KBTBD12: variants seen among roughly 807,000 people sequenced by gnomAD.
The protein encoded by KBTBD12 is kelch repeat and BTB domain containing 12, also known as kelch repeat and BTB domain-containing protein 12.
Under a neutral mutation model 58.7 loss-of-function variants are expected in KBTBD12, and 53 were observed. The ratio of observed to expected loss-of-function variants is 0.90; its 90% confidence interval spans 0.72 to 1.14. KBTBD12 has a LOEUF of 1.14. Among genes scored for constraint, KBTBD12 ranks in the 50% most tolerant of loss-of-function variants. The pLI, the probability that KBTBD12 is intolerant of heterozygous loss-of-function variation, is 0.00. For missense variants in KBTBD12, 704 were observed against 751.3 expected (o/e 0.94, Z 0.74); for synonymous variants, 236 against 259.8 (o/e 0.91, Z 0.88).
chr3:127,969,258 A>AAT (rs1222942196), intron 5 of KBTBD12, among the ~76,000 whole-genome samples: 7 of 152,192 alleles, frequency 4.6e-5, no homozygotes, highest in African/African-American at 1.7e-4. Context: ...TACGCCAAAA[A>AAT]ATTGTATTTC....
At chr3:127,946,526 C>T (rs1194290691) in intron 4 of KBTBD12, among the ~76,000 whole-genome samples, 1 of 152,094 alleles carries the variant, frequency 6.6e-6, no homozygotes, top group East Asian at 1.9e-4. Context: ...GGTAATGTGC[C>T]CTTTTTTCTC....
intron 4 of KBTBD12, among the ~76,000 whole-genome samples, chr3:127,943,030 C>G (rs112815936): frequency 1.2e-4 from 19 of 152,248 alleles, no homozygotes; most frequent in African/African-American, 3.4e-4. Flanking sequence ...GAAAACAGCA[C>G]GAAGCCATTT....
Position 127,984,379 on chromosome 3 carries a change from C to T in KBTBD12, c.*101C>T, listed in dbSNP as rs1020778510. 1.0e-5 allele frequency: 11 copies of T among 1,083,296 alleles called. No homozygotes were observed. Among genetic ancestry groups the T allele is most frequent in the East Asian group, 5.0e-5 (2 of 40,322 alleles). 67.1% of individuals were successfully genotyped at this position (1,083,296 alleles called of 1,614,324 possible). On this transcript the variant is annotated 3_prime_UTR_variant, in exon 6 of 6. Coordinates refer to ENST00000405109, the MANE Select transcript of KBTBD12 (RefSeq NM_207335.4). ...TCATGCCAGTCATGTGCACTGCATG[C>T]GTAGTGGCCTGTGTGTGAAGAAGCA...
At chr3:127,924,158 A>T (rs773424054) in intron 2 of KBTBD12, 27 bp downstream of exon 2, 1 of 1,475,590 alleles carries the variant, frequency 6.8e-7, no homozygotes, top group Non-Finnish European at 9.3e-7. Context: ...AAATTTGCTT[A>T]ATTATTTTGT....
At chr3:127,972,622 T>C (rs1483087727) in intron 5 of KBTBD12, among the ~76,000 whole-genome samples, 1 of 152,182 alleles carries the variant, frequency 6.6e-6, no homozygotes, top group African/African-American at 2.4e-5. Flanking sequence ...TAGTTGTGCT[T>C]CTTCACAAAA....
intron 3 of KBTBD12, among the ~76,000 whole-genome samples, chr3:127,929,772 T>TA (rs993986783): frequency 6.6e-6 from 1 of 152,090 alleles, no homozygotes; most frequent in Non-Finnish European, 1.5e-5. Context: ...TCAACTACTA[T>TA]AAAGTTTGGT....
intron 5 of KBTBD12, among the ~76,000 whole-genome samples, chr3:127,968,493 A>G (rs1003911280): frequency 5.9e-5 from 9 of 152,268 alleles, no homozygotes; most frequent in Admixed American, 1.3e-4. Flanking sequence ...TTATGAATAT[A>G]GATGCAAAAA....
intron 4 of KBTBD12, among the ~76,000 whole-genome samples, chr3:127,932,091 A>C (rs952757243): frequency 3.9e-5 from 6 of 152,114 alleles, no homozygotes; most frequent in African/African-American, 1.4e-4. Context: ...AGAGAAGAAG[A>C]AACTGGAAGT....
intron 4 of KBTBD12, among the ~76,000 whole-genome samples, chr3:127,934,415 A>C (rs1343075340): frequency 1.3e-5 from 2 of 152,164 alleles, no homozygotes; most frequent in Non-Finnish European, 2.9e-5. Flanking sequence ...GAGAGAAAAA[A>C]TTGGAGAAAA....
intron 4 of KBTBD12, among the ~76,000 whole-genome samples, chr3:127,946,952 T>C (rs1475388547): frequency 2.6e-5 from 4 of 152,216 alleles, no homozygotes; most frequent in African/African-American, 4.8e-5. Context: ...ATATTTTTCA[T>C]TTCTAGAATG....
At chr3:127,935,233 G>A (rs141110459) in intron 4 of KBTBD12, among the ~76,000 whole-genome samples, 2 of 152,126 alleles carry the variant, frequency 1.3e-5, no homozygotes, top group African/African-American at 4.8e-5. Context: ...ATTAAGTTGG[G>A]GACCATCTGT....
chr3:127,984,081 C>T lies in KBTBD12; in HGVS notation c.1691-16C>T, dbSNP rs1940922927. On this transcript the variant is annotated splice_polypyrimidine_tract_variant and intron_variant, in intron 5 of 5. Transcript: ENST00000405109. ...CCCACATGAGATTTTTGTCTTCCCA[C>T]TTTGCTGTTTTTCAGATCGCCATGA... 6.2e-7 allele frequency: 1 copy of T among 1,608,440 alleles called. No individual in the cohort carries two copies. Among genetic ancestry groups the T allele is most frequent in the African/African-American group, 1.3e-5 (1 of 74,742 alleles).
chr3:127,943,421 T>A (rs756849712), intron 4 of KBTBD12, among the ~76,000 whole-genome samples: 1 of 152,158 alleles, frequency 6.6e-6, no homozygotes, highest in African/African-American at 2.4e-5. Context: ...CCCTATTGAT[T>A]AGTGATGTTG....
chr3:127,973,160 C>G (rs1289291444), intron 5 of KBTBD12, among the ~76,000 whole-genome samples: 1 of 152,040 alleles, frequency 6.6e-6, no homozygotes, highest in Non-Finnish European at 1.5e-5. Context: ...ATGTCCCCAC[C>G]ACCACCAAAA....
chr3:127,959,683 G>C (rs1379224428), intron 4 of KBTBD12, among the ~76,000 whole-genome samples: 1 of 152,226 alleles, frequency 6.6e-6, no homozygotes, highest in African/African-American at 2.4e-5. Flanking sequence ...AAAAATTCCT[G>C]TGGCAATACT....
intron 5 of KBTBD12, among the ~76,000 whole-genome samples, chr3:127,983,413 T>G (rs1392557529): frequency 6.6e-6 from 1 of 152,078 alleles, no homozygotes; most frequent in Non-Finnish European, 1.5e-5. Flanking sequence ...GGGGGTGAAC[T>G]TGGGCTCTCA....
intron 4 of KBTBD12, among the ~76,000 whole-genome samples, chr3:127,935,685 C>T (rs1319424897): frequency 2.0e-5 from 3 of 152,002 alleles, no homozygotes; most frequent in Non-Finnish European, 4.4e-5. Context: ...AGTTACAAGA[C>T]ATAGAAAATA....
chr3:127,920,967 T>C (rs1343768377), intron 1 of KBTBD12, among the ~76,000 whole-genome samples: 1 of 152,028 alleles, frequency 6.6e-6, no homozygotes, highest in Non-Finnish European at 1.5e-5. Context: ...GAATGTACTT[T>C]GCCCTCATTA....
At chr3:127,918,497 G>A (rs1171301311) in intron 1 of KBTBD12, among the ~76,000 whole-genome samples, 1 of 152,166 alleles carries the variant, frequency 6.6e-6, no homozygotes, top group Non-Finnish European at 1.5e-5. Context: ...CAGATCACGA[G>A]GTCAGCAGAT....
Sources: allele counts gnomAD v4.1 joint callset (sites outside exome capture counted in the v4.1 genomes callset), GRCh38; gene constraint gnomAD v4.1.1; transcripts MANE v1.5; gene names NCBI Gene and HGNC (gene_info 2026-07-23, HGNC 2026-07-21).